MYT1L: variants seen among roughly 807,000 people sequenced by gnomAD.
MYT1L encodes the protein myelin transcription factor 1 like.
MYT1L carries 12 observed loss-of-function variants against 126.7 expected under a neutral mutation model. The ratio of observed to expected loss-of-function variants is 0.09; its 90% CI spans 0.06 to 0.15. The LOEUF (loss-of-function observed/expected upper bound fraction) is 0.15, where lower values mean the gene tolerates loss of function less well. Among genes scored for constraint, MYT1L ranks in the 10% least tolerant of loss-of-function variants. The pLI is 1.00. For missense variants in MYT1L, 979 were observed against 1,585.2 expected (o/e 0.62, Z 6.49); for synonymous variants, 541 against 604.2 (o/e 0.90, Z 1.53).
chr2:1,905,591 T>A lies in MYT1L; in HGVS notation c.1818-2297A>T, dbSNP rs546865024. Among the ~76,000 whole-genome samples the A allele has an allele frequency of 1.9e-4, 29 of 152,258 alleles. 1 individual carries two copies. The South Asian group carries it at 5.8e-3, about 30-fold the overall frequency. On this transcript the variant is annotated intron_variant, in intron 13 of 24. Transcript: ENST00000647738. Reference sequence around the variant, plus strand: ...CTGGTCTCCAACTCCTGACCTCAGGTGATCCACCCGCCTCGGCCTCTCAAA... The same window carrying A: ...CTGGTCTCCAACTCCTGACCTCAGGAGATCCACCCGCCTCGGCCTCTCAAA...
At chr2:1,807,596 G>A (rs1558612926) in intron 22 of MYT1L, among the ~76,000 whole-genome samples, 1 of 152,128 alleles carries the variant, frequency 6.6e-6, no homozygotes, top group Non-Finnish European at 1.5e-5. Context: ...CAAAATTAGG[G>A]GTGCATCTTG....
intron 1 of MYT1L, among the ~76,000 whole-genome samples, chr2:2,289,490 A>C (rs1333604877): frequency 6.6e-6 from 1 of 152,234 alleles, no homozygotes; most frequent in African/African-American, 2.4e-5. Context: ...CTTACATAAA[A>C]AATATCTGCA....
chr2:1,878,785 T>C (rs2148773794), intron 18 of MYT1L, among the ~76,000 whole-genome samples: 1 of 152,282 alleles, frequency 6.6e-6, no homozygotes, highest in East Asian at 1.9e-4. Flanking sequence ...CTTAAAAACA[T>C]CAGGTAAGTG....
At chr2:2,152,676 G>C (rs2086007260) in intron 3 of MYT1L, among the ~76,000 whole-genome samples, 1 of 152,236 alleles carries the variant, frequency 6.6e-6, no homozygotes, top group East Asian at 1.9e-4. Flanking sequence ...AGCTGCAGCA[G>C]AGAGGGGCCT....
chr2:2,199,223 T>A (rs984797068), intron 2 of MYT1L, among the ~76,000 whole-genome samples: 2 of 152,224 alleles, frequency 1.3e-5, no homozygotes, highest in Non-Finnish European at 2.9e-5. Context: ...AAAAAGTTCA[T>A]CCTTTGCTTT....
intron 3 of MYT1L, among the ~76,000 whole-genome samples, chr2:2,136,880 G>T (rs1402527458): frequency 2.0e-5 from 3 of 152,148 alleles, no homozygotes; most frequent in African/African-American, 7.2e-5. Flanking sequence ...ATTCAATCAG[G>T]AAAAGAGGAA....
rs555293853 is a variant in MYT1L at position 1,793,413 on chromosome 2, C to T, written c.3277-949G>A. On this transcript the variant is annotated intron_variant, in intron 23 of 24. Transcript: ENST00000647738. The surrounding 1 kb of genome is among the most constrained non-coding windows in gnomAD (Gnocchi z 4.6). ...GATCTGGGGCTTCTTCCTGGAAGAC[C>T]GGGCCGACCCGCAGAGTCCAGGGCT... 6.9e-4 allele frequency among the ~76,000 whole-genome samples: 105 copies of T among 152,170 alleles called. No homozygotes were observed. Among genetic ancestry groups the T allele is most frequent in the Non-Finnish European group, 1.2e-3 (82 of 68,024 alleles).
At chr2:2,117,058 C>A (rs1264959530) in intron 3 of MYT1L, among the ~76,000 whole-genome samples, 1 of 152,202 alleles carries the variant, frequency 6.6e-6, no homozygotes, top group Non-Finnish European at 1.5e-5. Context: ...CACATGGCAG[C>A]AGCTCCTGGA....
At chr2:2,225,707 G>A (rs1459541548) in intron 2 of MYT1L, among the ~76,000 whole-genome samples, 45 of 152,148 alleles carry the variant, frequency 3.0e-4, no homozygotes, top group Admixed American at 2.9e-3. Flanking sequence ...GGCAGGTGAA[G>A]TAGAATCTGG....
Position 1,910,890 on chromosome 2 carries a change from T to C in MYT1L, c.1710-543A>G, listed in dbSNP as rs1231094501. Reference sequence around the variant, plus strand: ...AGCAGAATGATTTCTAGGACTGCAATAAAATGTTTTGTGGAGCCAAATAGT... The same window carrying C: ...AGCAGAATGATTTCTAGGACTGCAACAAAATGTTTTGTGGAGCCAAATAGT... On this transcript the variant is annotated intron_variant, in intron 12 of 24. Transcript: ENST00000647738. The surrounding 1 kb of genome is among the most constrained non-coding windows in gnomAD (Gnocchi z 4.8). Among the ~76,000 whole-genome samples the C allele has an allele frequency of 6.6e-6, 1 of 152,160 alleles. No individual in the cohort carries two copies. The highest frequency in any genetic ancestry group is 1.5e-5 in the Non-Finnish European group (1 of 68,012).
intron 3 of MYT1L, among the ~76,000 whole-genome samples, chr2:2,082,796 A>AT (rs1320844870): frequency 1.3e-5 from 2 of 152,226 alleles, no homozygotes; most frequent in Non-Finnish European, 2.9e-5. Flanking sequence ...CATGATTAGG[A>AT]ATAAAACCAG....
Position 1,852,391 on chromosome 2 carries a change from T to A in MYT1L, c.2712-688A>T, listed in dbSNP as rs2043387364. Reference sequence around the variant, plus strand: ...CAGTCAGTGGAGAGGCTCTGAACAGTTCATGGGGACATACACTCATCTGCT... The same window carrying A: ...CAGTCAGTGGAGAGGCTCTGAACAGATCATGGGGACATACACTCATCTGCT... On this transcript the variant is annotated intron_variant, in intron 18 of 24. Transcript: ENST00000647738. This position sits in a 1 kb window ranked among gnomAD's most constrained non-coding sequence, Gnocchi z 4.0. Among the ~76,000 whole-genome samples the A allele has an allele frequency of 6.6e-6, 1 of 152,188 alleles. No individual in the cohort carries two copies. Among genetic ancestry groups the A allele is most frequent in the South Asian group, 2.1e-4 (1 of 4,826 alleles).
At position 2,197,984 on chromosome 2, in the gene MYT1L, C is replaced by CAT. The variant is rs148115939; in HGVS notation, c.-420-24998_-420-24997dup. Among the ~76,000 whole-genome samples, 16 of 151,332 alleles carry CAT rather than the reference C, an allele frequency of 1.1e-4. No individual in the cohort carries two copies. In the East Asian group the frequency reaches 1.9e-3, roughly 18 times the overall value. ...AATATGTATAGGTATAAATAACATA[C>CAT]ATATATATACATGCACACACATACA... On this transcript the variant is annotated intron_variant, in intron 2 of 24. Coordinates refer to ENST00000647738, the MANE Select transcript of MYT1L (RefSeq NM_001303052.2).
intron 3 of MYT1L, among the ~76,000 whole-genome samples, chr2:2,104,059 T>C (rs2078442713): frequency 6.6e-6 from 1 of 152,216 alleles, no homozygotes; most frequent in Non-Finnish European, 1.5e-5. Context: ...TAGTTGACAA[T>C]ACAGACTGAA....
At chr2:1,842,966 C>A (rs1035837491) in intron 19 of MYT1L, 2 of 93,706 alleles carry the variant, frequency 2.1e-5, no homozygotes, top group African/African-American at 9.6e-5. Context: ...TCCAGGCGCG[C>A]GGTGCTAGTA....
chr2:1,832,607 T>C (rs572992367), intron 21 of MYT1L, among the ~76,000 whole-genome samples: 33 of 152,326 alleles, frequency 2.2e-4, no homozygotes, highest in Admixed American at 1.9e-3. Flanking sequence ...CGCTTAGGTC[T>C]GCAGGAACGG....
In MYT1L at chr2:2,133,761, G is replaced by C. The variant is rs1412265282; in HGVS notation, c.-304+39111C>G. ...AGGTGGTACCCACCCTCACATGAAA[G>C]GGAAATGTTTGCAGTGAGGTCATGT... On this transcript the variant is annotated intron_variant, in intron 3 of 24. Transcript: ENST00000647738. Among the ~76,000 whole-genome samples the C allele has an allele frequency of 2.0e-5, 3 of 152,088 alleles. No homozygotes were observed. In the East Asian group the frequency reaches 5.8e-4, roughly 29 times the overall value.
intron 1 of MYT1L, among the ~76,000 whole-genome samples, chr2:2,295,010 G>A (rs973321141): frequency 1.4e-4 from 21 of 152,236 alleles, no homozygotes; most frequent in Non-Finnish European, 2.6e-4. Context: ...GGCAGAGACC[G>A]GATCAGCAGG....
chr2:2,130,610 G>C (rs573130931), intron 3 of MYT1L, among the ~76,000 whole-genome samples: 1 of 152,274 alleles, frequency 6.6e-6, no homozygotes, highest in Admixed American at 6.5e-5. Flanking sequence ...TTTAAAAAAA[G>C]TGAGATAGGG....
Sources: gnomAD v4.1 joint callset for allele counts (sites outside exome capture counted in the v4.1 genomes callset) on GRCh38, gnomAD v4.1.1 for gene constraint, Gnocchi (gnomAD v3.1) non-coding constraint, MANE v1.5 for transcripts, NCBI Gene and HGNC (gene_info 2026-07-23, HGNC 2026-07-21) for gene names.